Variants in RACGAP1 observed in about 807,000 individuals in gnomAD.
RACGAP1 encodes the protein Rac GTPase activating protein 1.
Under a neutral mutation model 78.1 loss-of-function variants are expected in RACGAP1, and 30 were observed. The observed-to-expected ratio is 0.38, with a 90% CI of 0.29 to 0.52. The LOEUF is 0.52. RACGAP1 is among the 20% of genes least tolerant of loss of function. The probability of loss-of-function intolerance (pLI) is 0.82; values close to 1 mark genes in which losing one functional copy is unlikely to be tolerated. For missense variants in RACGAP1, 587 were observed against 777.1 expected (o/e 0.76, Z 2.91); for synonymous variants, 231 against 264.8 (o/e 0.87, Z 1.24).
intron 12 of RACGAP1, among the ~76,000 whole-genome samples, chr12:49,993,458 A>G (rs1948029484): frequency 6.6e-6 from 1 of 152,216 alleles, no homozygotes; most frequent in Admixed American, 6.5e-5. Context: ...AGCACCTACT[A>G]TGTTTCAGGC....
intron 2 of RACGAP1, among the ~76,000 whole-genome samples, chr12:50,012,755 T>A (rs553039669): frequency 6.7e-6 from 1 of 148,962 alleles, no homozygotes; most frequent in African/African-American, 2.5e-5. Context: ...TGAGACTCTG[T>A]TTCAAAAAAA....
intron 1 of RACGAP1, among the ~76,000 whole-genome samples, chr12:50,020,486 A>G (rs1383515028): frequency 6.6e-6 from 1 of 151,952 alleles, no homozygotes; most frequent in Non-Finnish European, 1.5e-5. Flanking sequence ...GCCTGGCCTC[A>G]CTAACTTAAT....
At chr12:50,007,958 G>A (rs1395137703) in intron 2 of RACGAP1, among the ~76,000 whole-genome samples, 25 of 147,926 alleles carry the variant, frequency 1.7e-4, no homozygotes, top group African/African-American at 5.7e-4. Flanking sequence ...ACTAAATACC[G>A]TATGCATACA....
intron 9 of RACGAP1, among the ~76,000 whole-genome samples, chr12:49,997,605 C>T (rs1406213870): frequency 6.7e-6 from 1 of 149,080 alleles, no homozygotes; most frequent in Admixed American, 6.7e-5. Context: ...CAGAGTTTCG[C>T]TCTTGTTGCC....
chr12:50,014,614 G>A (rs967128773), intron 2 of RACGAP1, among the ~76,000 whole-genome samples: 14 of 152,140 alleles, frequency 9.2e-5, no homozygotes, highest in African/African-American at 3.4e-4. Flanking sequence ...CCAGGCTGGA[G>A]TACAGGAGTG....
intron 5 of RACGAP1, among the ~76,000 whole-genome samples, chr12:50,003,023 CAAAAA>C (rs11326258): frequency 1.6e-5 from 1 of 64,148 alleles, no homozygotes. Flanking sequence ...GACTCTGTCT[CAAAAA>C]AAAAAAAAAA....
chr12:49,990,581 T>G, intron 16 of RACGAP1, 103 bp downstream of exon 16: 1 of 968,024 alleles, frequency 1.0e-6, no homozygotes, highest in Non-Finnish European at 1.6e-6. Flanking sequence ...GTCTAGTTGC[T>G]AGCTAAAATC....
At chr12:50,019,092 C>A (rs1252570366) in intron 1 of RACGAP1, among the ~76,000 whole-genome samples, 1 of 152,170 alleles carries the variant, frequency 6.6e-6, no homozygotes. Context: ...TCGCTCAGTT[C>A]CAAACTTCAG....
intron 9 of RACGAP1, 68 bp from the exon 10 acceptor site, chr12:49,997,272 CTTTTTT>C (rs540814831): frequency 5.6e-5 from 65 of 1,159,786 alleles, no homozygotes; most frequent in Middle Eastern, 3.2e-4. Flanking sequence ...AATCAACTAA[CTTTTTT>C]TTTTTTTTTT....
intron 10 of RACGAP1, among the ~76,000 whole-genome samples, chr12:49,995,721 T>C (rs1355618377): frequency 6.6e-6 from 1 of 152,058 alleles, no homozygotes; most frequent in Non-Finnish European, 1.5e-5. Flanking sequence ...TCTCAAACTC[T>C]TGGGCTCAAG....
At chr12:50,021,063 C>T in intron 1 of RACGAP1, 1 of 963,600 alleles carries the variant, frequency 1.0e-6, no homozygotes, top group Non-Finnish European at 1.2e-6. Context: ...TTTACTCACC[C>T]TATTCAACGT....
chr12:49,999,136 T>C lies in RACGAP1; in HGVS notation c.879+5A>G, dbSNP rs755437791. The C allele has an allele frequency of 6.3e-7, 1 of 1,582,534 alleles. No homozygotes were observed. Among genetic ancestry groups the C allele is most frequent in the South Asian group, 1.2e-5 (1 of 85,292 alleles). ...TTAAAACACAAACAACAATCACAGA[T>C]TTACCGTCTTAGAAACAAAGTCATG... is the stretch of plus-strand genomic sequence containing the variant. On this transcript the variant is annotated splice_donor_5th_base_variant and intron_variant, in intron 9 of 16. Coordinates refer to ENST00000312377, the MANE Select transcript of RACGAP1 (RefSeq NM_001319999.2).
In RACGAP1 at chr12:49,993,478, G is replaced by A. The variant is rs542509794; in HGVS notation, c.1339+653C>T. ...CTACTATGTTTCAGGCATTGTACTA[G>A]GCAGGAGCTAATAAAAAGAGGAAGG... On this transcript the variant is annotated intron_variant, in intron 12 of 16. Coordinates refer to ENST00000312377, the MANE Select transcript of RACGAP1 (RefSeq NM_001319999.2). Among the ~76,000 whole-genome samples the A allele has an allele frequency of 9.2e-5, 14 of 152,288 alleles. No homozygotes were observed. The South Asian group carries it at 2.9e-3, about 32-fold the overall frequency.
chr12:50,024,933 G>C (rs1370061411), intron 1 of RACGAP1, among the ~76,000 whole-genome samples: 1 of 152,026 alleles, frequency 6.6e-6, no homozygotes, highest in Non-Finnish European at 1.5e-5. Flanking sequence ...GAATCAGGAT[G>C]AGAAGGACAA....
intron 5 of RACGAP1, 55 bp from the exon 6 acceptor site, chr12:50,002,355 C>A: frequency 6.8e-7 from 1 of 1,460,110 alleles, no homozygotes; most frequent in African/African-American, 1.4e-5. Flanking sequence ...ATCCCTAAAC[C>A]CTGTGCAAAT....
intron 10 of RACGAP1, among the ~76,000 whole-genome samples, chr12:49,996,769 G>A (rs2137299273): frequency 6.7e-6 from 1 of 150,090 alleles, no homozygotes; most frequent in East Asian, 2.0e-4. Context: ...TCCAAAATGG[G>A]ATGAAGGGGA....
upstream of RACGAP1, chr12:50,025,669 G>T (rs1412470645): frequency 2.9e-4 from 130 of 448,636 alleles, no homozygotes; most frequent in Middle Eastern, 1.2e-3. Flanking sequence ...GGTTTTTTTT[G>T]TTTTTTTTTG....
At chr12:49,997,886 C>T (rs1948413257) in intron 9 of RACGAP1, among the ~76,000 whole-genome samples, 1 of 152,052 alleles carries the variant, frequency 6.6e-6, no homozygotes, top group Non-Finnish European at 1.5e-5. Context: ...CCATAATCAA[C>T]TAACATTTAT....
chr12:49,997,974 T>C (rs1268474001), intron 9 of RACGAP1, among the ~76,000 whole-genome samples: 2 of 152,224 alleles, frequency 1.3e-5, no homozygotes, highest in Non-Finnish European at 2.9e-5. Flanking sequence ...AGTAATCCCA[T>C]AAAATAGGTT....
Sources: gnomAD v4.1 joint callset for allele counts (sites outside exome capture counted in the v4.1 genomes callset) on GRCh38, gnomAD v4.1.1 for gene constraint, MANE v1.5 for transcripts, NCBI Gene and HGNC (gene_info 2026-07-23, HGNC 2026-07-21) for gene names.